The following TAFA2 variants were observed in gnomAD, a reference collection of about 807,000 sequenced individuals.
TAFA2 encodes TAFA chemokine like family member 2.
TAFA2 carries 7 observed loss-of-function variants against 18.8 expected under a neutral mutation model. The ratio of observed to expected loss-of-function variants is 0.37; its 90% CI spans 0.21 to 0.70. The LOEUF is 0.70. Among genes scored for constraint, TAFA2 ranks in the 30% least tolerant of loss-of-function variants. The probability of loss-of-function intolerance (pLI) is 0.53; values close to 1 mark genes in which losing one functional copy is unlikely to be tolerated. For missense variants in TAFA2, 122 were observed against 158.1 expected, an observed-to-expected ratio of 0.77 and a Z score of 1.23; for synonymous variants, 60 against 54.2, an observed-to-expected ratio of 1.11 and a Z score of -0.47.
At chr12:61,884,945 T>C (rs1221324628) in intron 1 of TAFA2, among the ~76,000 whole-genome samples, 1 of 152,212 alleles carries the variant, frequency 6.6e-6, no homozygotes, top group Non-Finnish European at 1.5e-5. Context: ...TTATTAAAAT[T>C]CAGCCAAATT....
chr12:61,954,968 A>G (rs1565694700), intron 1 of TAFA2, among the ~76,000 whole-genome samples: 1 of 152,166 alleles, frequency 6.6e-6, no homozygotes, highest in Admixed American at 6.5e-5. Flanking sequence ...TAACTGTTAG[A>G]AGCTTACCAG....
intron 1 of TAFA2, among the ~76,000 whole-genome samples, chr12:61,981,787 A>G (rs758999998): frequency 7.2e-5 from 11 of 152,222 alleles, no homozygotes; most frequent in Non-Finnish European, 1.6e-4. Context: ...TAGAATGGCA[A>G]TCATTGAAAA....
chr12:61,817,252 ATG>A (rs1414062573), intron 2 of TAFA2, among the ~76,000 whole-genome samples: 8 of 152,270 alleles, frequency 5.3e-5, no homozygotes, highest in Admixed American at 5.2e-4. Context: ...CTTAACTTCT[ATG>A]TATTTATTTC....
intron 1 of TAFA2, among the ~76,000 whole-genome samples, chr12:62,127,565 G>C (rs1209569129): frequency 6.6e-6 from 1 of 151,938 alleles, no homozygotes; most frequent in Non-Finnish European, 1.5e-5. Context: ...TTAGCAAAAA[G>C]TTTTTCAGAA....
chr12:62,013,112 T>C (rs1408682933), intron 1 of TAFA2, among the ~76,000 whole-genome samples: 2 of 152,178 alleles, frequency 1.3e-5, no homozygotes, highest in African/African-American at 4.8e-5. Context: ...ACATTCGTAG[T>C]TTATGGACAA....
At chr12:61,837,460 T>C (rs559271556) in intron 2 of TAFA2, among the ~76,000 whole-genome samples, 21 of 152,190 alleles carry the variant, frequency 1.4e-4, no homozygotes, top group African/African-American at 5.1e-4. Flanking sequence ...AGTATTTACA[T>C]ATGACAGACA....
At chr12:62,199,114 C>T (rs1485049405) in intron 1 of TAFA2, among the ~76,000 whole-genome samples, 1 of 152,250 alleles carries the variant, frequency 6.6e-6, no homozygotes, top group Non-Finnish European at 1.5e-5. Flanking sequence ...ACTGGCAGTG[C>T]ATTGCCTCCG....
At chr12:62,214,548 G>A (rs752120474) in intron 1 of TAFA2, among the ~76,000 whole-genome samples, 6 of 152,132 alleles carry the variant, frequency 3.9e-5, no homozygotes, top group Non-Finnish European at 5.9e-5. Context: ...TTTATATGTT[G>A]AAGTCCTAAC....
intron 4 of TAFA2, among the ~76,000 whole-genome samples, chr12:61,731,086 G>A (rs1269832505): frequency 6.6e-6 from 1 of 152,030 alleles, no homozygotes; most frequent in Non-Finnish European, 1.5e-5. Context: ...GCTTCCCTGG[G>A]GACTGGGAGT....
intron 1 of TAFA2, among the ~76,000 whole-genome samples, chr12:62,005,840 G>A (rs1592543673): frequency 6.6e-6 from 1 of 152,018 alleles, no homozygotes. Flanking sequence ...ACTCAAGTTC[G>A]ATGTCCTTCT....
At chr12:61,794,544 T>C (rs1871113675) in intron 2 of TAFA2, among the ~76,000 whole-genome samples, 1 of 152,080 alleles carries the variant, frequency 6.6e-6, no homozygotes, top group Admixed American at 6.6e-5. Flanking sequence ...TGAATAGATA[T>C]ATTTTGTTCA....
chr12:61,887,067 G>C (rs1481386476), intron 1 of TAFA2, among the ~76,000 whole-genome samples: 3 of 152,214 alleles, frequency 2.0e-5, no homozygotes, highest in Non-Finnish European at 4.4e-5. Context: ...CATAATAAAT[G>C]CTCAACTAAT....
intron 1 of TAFA2, among the ~76,000 whole-genome samples, chr12:61,929,731 A>G (rs1877472541): frequency 6.6e-6 from 1 of 152,020 alleles, no homozygotes; most frequent in South Asian, 2.1e-4. Context: ...CACTATTCAC[A>G]ATAGCAAAGA....
intron 1 of TAFA2, among the ~76,000 whole-genome samples, chr12:62,037,104 G>GA (rs985335532): frequency 2.6e-5 from 4 of 152,154 alleles, no homozygotes; most frequent in South Asian, 2.1e-4. Context: ...TTTAAAGTAA[G>GA]AAAAAATAGA....
intron 1 of TAFA2, among the ~76,000 whole-genome samples, chr12:61,884,487 T>C (rs1875284488): frequency 6.6e-6 from 1 of 152,210 alleles, no homozygotes; most frequent in Non-Finnish European, 1.5e-5. Flanking sequence ...TTATTTGTAG[T>C]CGCTCTTTTT....
At chr12:61,959,212 G>T (rs1302390578) in intron 1 of TAFA2, among the ~76,000 whole-genome samples, 1 of 151,802 alleles carries the variant, frequency 6.6e-6, no homozygotes, top group East Asian at 1.9e-4. Context: ...TAAAAAATTT[G>T]TTGGATTTCT....
chr12:62,043,160 T>C (rs1039912162), intron 1 of TAFA2, among the ~76,000 whole-genome samples: 1 of 152,120 alleles, frequency 6.6e-6, no homozygotes, highest in African/African-American at 2.4e-5. Context: ...AATATTTTCA[T>C]TTAATTAGTT....
At chr12:61,756,567 G>A (rs764200880) in intron 2 of TAFA2, among the ~76,000 whole-genome samples, 1 of 152,028 alleles carries the variant, frequency 6.6e-6, no homozygotes, top group South Asian at 2.1e-4. Context: ...TGGAAACACA[G>A]CAATGAATAA....
rs1429737078 is a variant in TAFA2 at position 61,869,612 on chromosome 12, T to A, written c.-1-2186A>T. 2.0e-5 allele frequency among the ~76,000 whole-genome samples: 3 copies of A among 152,132 alleles called. 1 individual carries two copies. The highest frequency in any genetic ancestry group is 4.4e-5 in the Non-Finnish European group (3 of 68,016). On this transcript the variant is annotated intron_variant, in intron 1 of 4. Coordinates refer to ENST00000416284, the MANE Select transcript of TAFA2 (RefSeq NM_178539.5). ...TTGCCAAATATGCCTTTTAGAAACA[T>A]TTTCCAAGAACCTCCTCCACAGTGT... is the stretch of plus-strand genomic sequence containing the variant.
Sources: gnomAD v4.1 joint callset for allele counts (sites outside exome capture counted in the v4.1 genomes callset) on GRCh38, gnomAD v4.1.1 for gene constraint, MANE v1.5 for transcripts, NCBI Gene and HGNC (gene_info 2026-07-23, HGNC 2026-07-21) for gene names.